The following CNBD1 variants were observed in gnomAD, a reference collection of about 807,000 sequenced individuals.
The protein encoded by CNBD1 is cyclic nucleotide binding domain containing 1.
In CNBD1, 71 loss-of-function variants were observed where a neutral mutation model predicts 54.4. That is an observed-to-expected ratio of 1.30 (90% CI 1.08 to 1.59). The LOEUF (loss-of-function observed/expected upper bound fraction) is 1.59. Among genes scored for constraint, CNBD1 ranks in the 40% most tolerant of loss-of-function variants. CNBD1 has a pLI of 0.00. For missense variants in CNBD1, 659 were observed against 518.0 expected, an observed-to-expected ratio of 1.27 and a Z score of -2.64; for synonymous variants, 182 against 170.7, an observed-to-expected ratio of 1.07 and a Z score of -0.51.
At chr8:86,882,379 C>A (rs963177313) in intron 1 of CNBD1, among the ~76,000 whole-genome samples, 1 of 152,090 alleles carries the variant, frequency 6.6e-6, no homozygotes, top group Non-Finnish European at 1.5e-5. Context: ...ACAGACATTT[C>A]TCAAAAGAAG....
chr8:87,374,438 A>C (rs761206603), intron 10 of CNBD1, among the ~76,000 whole-genome samples: 1 of 151,864 alleles, frequency 6.6e-6, no homozygotes, highest in Non-Finnish European at 1.5e-5. Context: ...TCAAGATCCT[A>C]ATAAGGGCAA....
intron 4 of CNBD1, among the ~76,000 whole-genome samples, chr8:87,124,304 C>A (rs1811950069): frequency 6.6e-6 from 1 of 151,610 alleles, no homozygotes; most frequent in Non-Finnish European, 1.5e-5. Context: ...ATTCTCCAGA[C>A]ATATGTTAGG....
At chr8:87,229,786 A>T (rs550288583) in intron 5 of CNBD1, among the ~76,000 whole-genome samples, 85 of 151,590 alleles carry the variant, frequency 5.6e-4, no homozygotes, top group Admixed American at 1.2e-3. Context: ...GTCTGAAATT[A>T]AAAAAAAACT....
At chr8:87,311,672 A>C (rs568104571) in intron 8 of CNBD1, among the ~76,000 whole-genome samples, 1 of 152,304 alleles carries the variant, frequency 6.6e-6, no homozygotes, top group Non-Finnish European at 1.5e-5. Flanking sequence ...ACTATTCACA[A>C]TAGCAAATAT....
chr8:87,059,651 C>T (rs1005526024), intron 4 of CNBD1, among the ~76,000 whole-genome samples: 1 of 152,196 alleles, frequency 6.6e-6, no homozygotes, highest in Non-Finnish European at 1.5e-5. Flanking sequence ...TGTGAGAACT[C>T]ACTCACTATC....
intron 6 of CNBD1, among the ~76,000 whole-genome samples, chr8:87,249,360 A>G (rs576328623): frequency 1.3e-5 from 2 of 152,144 alleles, no homozygotes; most frequent in South Asian, 2.1e-4. Context: ...CTGCTTGCCC[A>G]TTGCTTGTGC....
intron 6 of CNBD1, among the ~76,000 whole-genome samples, chr8:87,269,821 A>T (rs1586379503): frequency 6.6e-6 from 1 of 152,072 alleles, no homozygotes; most frequent in East Asian, 1.9e-4. Flanking sequence ...TTCATAATTG[A>T]ATTCTACCAG....
At chr8:87,326,032 G>C (rs1369354172) in intron 8 of CNBD1, among the ~76,000 whole-genome samples, 1 of 118,678 alleles carries the variant, frequency 8.4e-6, no homozygotes, top group Non-Finnish European at 1.9e-5. Context: ...TTGCTTGTCT[G>C]TAAAGTATTT....
At position 87,019,353 on chromosome 8, in the gene CNBD1, G is replaced by A. The variant is rs571672425; in HGVS notation, c.431+79599G>A. Among the ~76,000 whole-genome samples, 7 of 152,258 alleles carry A rather than the reference G, an allele frequency of 4.6e-5. No homozygotes were observed. In the South Asian group the frequency reaches 1.5e-3, roughly 32 times the overall value. Reference sequence around the variant, plus strand: ...CTCTTAAGGCCCTCAGCTATAGGAAGTCCTGCCAAGAAAAAAATGACACTG... The same window carrying A: ...CTCTTAAGGCCCTCAGCTATAGGAAATCCTGCCAAGAAAAAAATGACACTG... On this transcript the variant is annotated intron_variant, in intron 4 of 10. Coordinates refer to ENST00000518476, the MANE Select transcript of CNBD1 (RefSeq NM_173538.3).
At chr8:86,887,677 A>G in intron 2 of CNBD1, 66 bp downstream of exon 2, 1 of 1,128,842 alleles carries the variant, frequency 8.9e-7, no homozygotes, top group Non-Finnish European at 1.3e-6. Context: ...TTTTAGGGAT[A>G]AAGTATAGTA....
intron 4 of CNBD1, among the ~76,000 whole-genome samples, chr8:86,957,937 G>A (rs1807821853): frequency 6.6e-6 from 1 of 152,116 alleles, no homozygotes; most frequent in South Asian, 2.1e-4. Flanking sequence ...GTCAATTTTA[G>A]ATCTTTCCTG....
intron 4 of CNBD1, among the ~76,000 whole-genome samples, chr8:87,090,914 G>C (rs1258622907): frequency 6.6e-6 from 1 of 152,094 alleles, no homozygotes; most frequent in African/African-American, 2.4e-5. Flanking sequence ...GCCAAGACAG[G>C]TGGATCACCT....
At chr8:87,343,915 A>G (rs1210279973) in intron 8 of CNBD1, among the ~76,000 whole-genome samples, 1 of 152,048 alleles carries the variant, frequency 6.6e-6, no homozygotes, top group South Asian at 2.1e-4. Flanking sequence ...TATTTCCTCA[A>G]TGTGTATAAA....
At chr8:87,426,522 T>TA (rs1808053965) in intron 2 of CNBD1, among the ~76,000 whole-genome samples, 1 of 152,210 alleles carries the variant, frequency 6.6e-6, no homozygotes, top group Admixed American at 6.5e-5. Context: ...TTATGTCAAT[T>TA]AAAAACAATA....
At chr8:87,306,685 C>T (rs1015764784) in intron 8 of CNBD1, among the ~76,000 whole-genome samples, 9 of 152,010 alleles carry the variant, frequency 5.9e-5, no homozygotes, top group African/African-American at 2.2e-4. Flanking sequence ...ATCATATGTT[C>T]TCACCGATAT....
intron 8 of CNBD1, among the ~76,000 whole-genome samples, chr8:87,337,785 T>A (rs1474143292): frequency 1.3e-5 from 2 of 152,152 alleles, no homozygotes; most frequent in Non-Finnish European, 2.9e-5. Flanking sequence ...TCTTCGTGGA[T>A]CATGCCAGCC....
At chr8:87,191,101 G>C (rs908867396) in intron 4 of CNBD1, among the ~76,000 whole-genome samples, 2 of 151,876 alleles carry the variant, frequency 1.3e-5, no homozygotes, top group African/African-American at 4.8e-5. Flanking sequence ...GAAAGAAAAA[G>C]CCAGTAGTGG....
rs1281806443 is a variant in CNBD1 at position 87,378,003 on chromosome 8, TG to T, written c.1304-4616del. ...TTGCCCACTTTTTGATGGGGTTGTT[TG>T]TTTTTTTCTTGTAAATTTGTTTGAG... On this transcript the variant is annotated intron_variant, in intron 10 of 10. Coordinates refer to ENST00000518476, the MANE Select transcript of CNBD1 (RefSeq NM_173538.3). 5.8e-3 allele frequency among the ~76,000 whole-genome samples: 793 copies of T among 135,924 alleles called. 8 individuals carry two copies. The highest frequency in any genetic ancestry group is 0.021 in the African/African-American group (745 of 35,620). 89.2% of individuals were successfully genotyped at this position (135,924 alleles called of 152,430 possible). A position where few individuals can be genotyped will look rare whatever the true frequency, so the allele number is the denominator to read the frequency against.
At chr8:87,191,271 A>G (rs1813604117) in intron 4 of CNBD1, among the ~76,000 whole-genome samples, 1 of 152,154 alleles carries the variant, frequency 6.6e-6, no homozygotes, top group African/African-American at 2.4e-5. Context: ...GAGAAGTGGA[A>G]GGAAGCATCA....
Sources: gnomAD v4.1 joint callset for allele counts (sites outside exome capture counted in the v4.1 genomes callset) on GRCh38, gnomAD v4.1.1 for gene constraint, MANE v1.5 for transcripts, NCBI Gene and HGNC (gene_info 2026-07-23, HGNC 2026-07-21) for gene names.